ATP10B: variants seen among roughly 807,000 people sequenced by gnomAD.
ATP10B encodes phospholipid-transporting ATPase VB.
Under a neutral mutation model 141.2 loss-of-function variants are expected in ATP10B, and 122 were observed. The ratio of observed to expected loss-of-function variants is 0.86; its 90% CI spans 0.75 to 1.00. The LOEUF is 1.00. Ranked by LOEUF, ATP10B falls within the 50% of genes least tolerant of loss-of-function variation. The pLI, the probability that ATP10B is intolerant of heterozygous loss-of-function variation, is 0.00. For synonymous variants in ATP10B, 685 were observed against 692.0 expected (o/e 0.99, Z 0.16); for missense variants, 1,876 against 1,825.3 (o/e 1.03, Z -0.51).
chr5:160,707,523 T>C (rs1423705932), intron 3 of ATP10B, among the ~76,000 whole-genome samples: 1 of 152,242 alleles, frequency 6.6e-6, no homozygotes, highest in Non-Finnish European at 1.5e-5. Flanking sequence ...AGACTTTCCA[T>C]AGCCATGAGA....
At chr5:160,584,555 T>C (rs916774792) in intron 24 of ATP10B, among the ~76,000 whole-genome samples, 2 of 152,230 alleles carry the variant, frequency 1.3e-5, no homozygotes, top group African/African-American at 4.8e-5. Flanking sequence ...CTAGATTTTT[T>C]TCTTTTTCCC....
At chr5:160,901,040 A>C in the ATP10B span, among the ~76,000 whole-genome samples, 1 of 151,756 alleles carries the variant, frequency 6.6e-6, no homozygotes, top group Non-Finnish European at 1.5e-5. Flanking sequence ...TCAAAGGTGC[A>C]AATCAAAACA....
At chr5:160,645,850 C>T (rs1760242827) in intron 8 of ATP10B, among the ~76,000 whole-genome samples, 1 of 152,162 alleles carries the variant, frequency 6.6e-6, no homozygotes, top group African/African-American at 2.4e-5. Flanking sequence ...CCTTATAAGA[C>T]AGGGCTTATT....
At chr5:160,667,875 T>G (rs904234794) in intron 7 of ATP10B, among the ~76,000 whole-genome samples, 15 of 151,576 alleles carry the variant, frequency 9.9e-5, no homozygotes, top group Non-Finnish European at 1.8e-4. Flanking sequence ...AATGTTGGGG[T>G]AGGGAGGCTA....
At chr5:160,893,249 C>A in the ATP10B span, among the ~76,000 whole-genome samples, 1 of 152,146 alleles carries the variant, frequency 6.6e-6, no homozygotes, top group Admixed American at 6.6e-5. Context: ...AGTGGTCTAG[C>A]TCAGCAGATC....
chr5:160,788,699 T>C (rs1480076044), intron 1 of ATP10B, among the ~76,000 whole-genome samples: 2 of 152,078 alleles, frequency 1.3e-5, no homozygotes, highest in Non-Finnish European at 2.9e-5. Context: ...TAATTTTTCT[T>C]CTCCTTTATC....
intron 22 of ATP10B, among the ~76,000 whole-genome samples, chr5:160,592,573 G>T (rs1249544381): frequency 1.3e-5 from 2 of 152,206 alleles, no homozygotes; most frequent in African/African-American, 4.8e-5. Flanking sequence ...CAGGACAGTG[G>T]GTGCAGTGCA....
At chr5:160,826,975 C>G (rs925196928) in intron 1 of ATP10B, among the ~76,000 whole-genome samples, 11 of 152,310 alleles carry the variant, frequency 7.2e-5, no homozygotes, top group African/African-American at 2.6e-4. Flanking sequence ...AACACAGACC[C>G]TTATCAGAAG....
chr5:160,631,656 G>C (rs942591159), intron 13 of ATP10B, among the ~76,000 whole-genome samples: 1 of 152,146 alleles, frequency 6.6e-6, no homozygotes, highest in Non-Finnish European at 1.5e-5. Flanking sequence ...AGAAACATAA[G>C]CATAACAAAT....
At position 160,570,480 on chromosome 5, in the gene ATP10B, G is replaced by A. The variant is rs188948476; in HGVS notation, c.3751-797C>T. 1.1e-4 allele frequency among the ~76,000 whole-genome samples: 17 copies of A among 152,204 alleles called. No homozygotes were observed. In the East Asian group the frequency reaches 3.1e-3, roughly 28 times the overall value. ...TATACTGCAGTCTAAACAAGCAAAT[G>A]TACTGCAGTCTAAACAAGCAAACTT... On this transcript the variant is annotated intron_variant, in intron 24 of 25. Transcript: ENST00000327245.
chr5:160,672,216 ATCC>A (rs1438740416), intron 6 of ATP10B, among the ~76,000 whole-genome samples: 1 of 151,820 alleles, frequency 6.6e-6, no homozygotes, highest in Non-Finnish European at 1.5e-5. Flanking sequence ...ACCTCAAGTG[ATCC>A]TCCTGTCTCG....
At chr5:160,731,728 C>G (rs1239389466) in intron 2 of ATP10B, among the ~76,000 whole-genome samples, 2 of 152,116 alleles carry the variant, frequency 1.3e-5, no homozygotes, top group East Asian at 3.8e-4. Context: ...GGGGGAAGAT[C>G]CAGAAAGGTT....
upstream of ATP10B, among the ~76,000 whole-genome samples, chr5:160,855,184 C>T (rs1025731058): frequency 8.6e-5 from 13 of 152,010 alleles, no homozygotes; most frequent in Admixed American, 2.0e-4. Context: ...TGTATTTGCA[C>T]GTTTAGTATT....
chr5:160,590,085 A>G (rs1465316170), intron 23 of ATP10B, among the ~76,000 whole-genome samples: 2 of 152,178 alleles, frequency 1.3e-5, no homozygotes, highest in African/African-American at 2.4e-5. Context: ...AGGCAAGTAC[A>G]AGGTACCCTG....
At chr5:160,660,672 A>G (rs1003271153) in intron 7 of ATP10B, among the ~76,000 whole-genome samples, 9 of 152,210 alleles carry the variant, frequency 5.9e-5, no homozygotes, top group African/African-American at 2.2e-4. Flanking sequence ...CTAAACAACC[A>G]TCATCAATGA....
intron 2 of ATP10B, among the ~76,000 whole-genome samples, chr5:160,772,973 C>T (rs1403914446): frequency 1.3e-5 from 2 of 152,170 alleles, no homozygotes; most frequent in African/African-American, 2.4e-5. Flanking sequence ...CAACCAACCA[C>T]GAAAACTATT....
At chr5:160,580,094 T>C (rs1234933326) in intron 24 of ATP10B, among the ~76,000 whole-genome samples, 1 of 152,242 alleles carries the variant, frequency 6.6e-6, no homozygotes, top group African/African-American at 2.4e-5. Context: ...TATACAATCA[T>C]GTTATCTGCA....
intron 6 of ATP10B, among the ~76,000 whole-genome samples, chr5:160,681,940 C>A (rs1366599213): frequency 1.3e-5 from 2 of 152,210 alleles, no homozygotes; most frequent in African/African-American, 4.8e-5. Context: ...CCAGCTCTGC[C>A]TCCTAGGATA....
At chr5:160,836,581 G>T (rs1775449020) in intron 1 of ATP10B, among the ~76,000 whole-genome samples, 1 of 151,956 alleles carries the variant, frequency 6.6e-6, no homozygotes, top group Non-Finnish European at 1.5e-5. Flanking sequence ...TCTCTTCATT[G>T]CTTACTGAAT....
Sources: allele counts gnomAD v4.1 joint callset (sites outside exome capture counted in the v4.1 genomes callset), GRCh38; gene constraint gnomAD v4.1.1; transcripts MANE v1.5; gene names NCBI Gene and HGNC (gene_info 2026-07-23, HGNC 2026-07-21).